Variants in EFEMP1 observed in about 807,000 individuals in gnomAD.
EFEMP1 encodes the protein EGF-like fibulin extracellular matrix protein 1, also known as EGF-containing fibulin-like extracellular matrix protein 1.
In EFEMP1, 18 loss-of-function variants were observed where a neutral mutation model predicts 65.7. The observed-to-expected ratio is 0.27, with a 90% CI of 0.19 to 0.41. The LOEUF (loss-of-function observed/expected upper bound fraction) is 0.41, where lower values mean the gene tolerates loss of function less well. Ranked by LOEUF, EFEMP1 falls within the 10% of genes least tolerant of loss-of-function variation. The pLI, the probability that EFEMP1 is intolerant of heterozygous loss-of-function variation, is 1.00. For missense variants in EFEMP1, 469 were observed against 624.8 expected (o/e 0.75, Z 2.66); for synonymous variants, 237 against 219.7 (o/e 1.08, Z -0.70).
In EFEMP1 at chr2:55,922,285, C is replaced by T; in HGVS notation, c.81+75G>A. On this transcript the variant is annotated intron_variant, in intron 3 of 11. Transcript: ENST00000355426. This position sits in a 1 kb window ranked among gnomAD's most constrained non-coding sequence, Gnocchi z 5.5. ...GCAGAGTATAGCCCAAATACACTGG[C>T]AGGGGTGTGTAAAGTCTTTTTTTGT... The T allele has an allele frequency of 7.5e-7, 1 of 1,339,926 alleles. No individual in the cohort carries two copies. The highest frequency in any genetic ancestry group is 1.1e-6 in the Non-Finnish European group (1 of 932,224). The allele number at this position is 1,339,926 out of a possible 1,614,324, so 83.0% of individuals were successfully genotyped here.
rs753354829 is a variant in EFEMP1, at chr2:55,874,933, A to T, written c.1000+13T>A. On this transcript the variant is annotated intron_variant, in intron 9 of 11. Coordinates refer to ENST00000355426, the MANE Select transcript of EFEMP1 (RefSeq NM_001039348.3). ...ACTAAATACCTAACATATGAAAAAA[A>T]AAATAAACTTACCTTGACATGTTCT... 2.5e-6 allele frequency: 4 copies of T among 1,597,448 alleles called. No homozygotes were observed. Among genetic ancestry groups the T allele is most frequent in the Non-Finnish European group, 3.4e-6 (4 of 1,169,616 alleles).
rs922560376 is a variant in EFEMP1 at position 55,921,281 on chromosome 2, G to T, written c.81+1079C>A. Among the ~76,000 whole-genome samples, 2 of 152,158 alleles carry T rather than the reference G, an allele frequency of 1.3e-5. No individual in the cohort carries two copies. The highest frequency in any genetic ancestry group is 2.9e-5 in the Non-Finnish European group (2 of 68,036). On this transcript the variant is annotated intron_variant, in intron 3 of 11. Coordinates refer to ENST00000355426, the MANE Select transcript of EFEMP1 (RefSeq NM_001039348.3). This position sits in a 1 kb window ranked among gnomAD's most constrained non-coding sequence, Gnocchi z 4.1. ...TTAACATGAAGTTAACAAAATATTT[G>T]TATTAAGCTATTTTATTTATAGTGG...
intron 5 of EFEMP1, among the ~76,000 whole-genome samples, chr2:55,899,964 A>G (rs1010889014): frequency 4.0e-5 from 6 of 151,576 alleles, no homozygotes; most frequent in African/African-American, 1.5e-4. Flanking sequence ...TTTCAGTTTA[A>G]TTTTTTTTTC....
At chr2:55,889,096 A>G (rs901565961) in intron 5 of EFEMP1, among the ~76,000 whole-genome samples, 1 of 152,194 alleles carries the variant, frequency 6.6e-6, no homozygotes, top group East Asian at 1.9e-4. Context: ...TTGCAGCCAG[A>G]TTAGTCAAGT....
intron 5 of EFEMP1, among the ~76,000 whole-genome samples, chr2:55,902,882 A>G (rs535793388): frequency 1.3e-5 from 2 of 152,372 alleles, no homozygotes; most frequent in South Asian, 4.1e-4. Flanking sequence ...CCAGGCATAT[A>G]TCAATCAAGA....
Position 55,922,179 on chromosome 2 carries a change from T to C in EFEMP1, c.81+181A>G. 1.6e-6 allele frequency: 1 copy of C among 626,230 alleles called. No individual in the cohort carries two copies. The highest frequency in any genetic ancestry group is 2.9e-6 in the Non-Finnish European group (1 of 346,154). 38.8% of individuals were successfully genotyped at this position (626,230 alleles called of 1,614,324 possible). ...TCTTAGGTGGTGAGCCCAATGAACT[T>C]TTGAAAGGATCAAGGGGGCAATTTA... is the stretch of plus-strand genomic sequence containing the variant. On this transcript the variant is annotated intron_variant, in intron 3 of 11. Transcript: ENST00000355426. This position sits in a 1 kb window ranked among gnomAD's most constrained non-coding sequence, Gnocchi z 5.5.
In EFEMP1 at chr2:55,870,692, T is replaced by C. The variant is rs200624494; in HGVS notation, c.1320+28A>G. On this transcript the variant is annotated intron_variant, in intron 11 of 11. Coordinates refer to ENST00000355426, the MANE Select transcript of EFEMP1 (RefSeq NM_001039348.3). This position sits in a 1 kb window ranked among gnomAD's most constrained non-coding sequence, Gnocchi z 5.8. ...AACAACAAACTCCCATCTTTCTCAA[T>C]AGTTAAGGCTGCCTTCAGGATACTT... 3.1e-6 allele frequency: 5 copies of C among 1,611,886 alleles called. No homozygotes were observed. Among genetic ancestry groups the C allele is most frequent in the South Asian group, 2.2e-5 (2 of 90,882 alleles).
intron 5 of EFEMP1, among the ~76,000 whole-genome samples, chr2:55,899,444 G>A (rs1328972645): frequency 2.6e-5 from 4 of 152,168 alleles, no homozygotes; most frequent in Non-Finnish European, 5.9e-5. Flanking sequence ...TGCATGGATG[G>A]TGCAGACTTA....
intron 5 of EFEMP1, among the ~76,000 whole-genome samples, chr2:55,910,605 TG>T (rs1670446241): frequency 6.6e-6 from 1 of 152,192 alleles, no homozygotes; most frequent in Admixed American, 6.6e-5. Flanking sequence ...TGCACTTTCC[TG>T]AAGTTACCCG....
intron 5 of EFEMP1, among the ~76,000 whole-genome samples, chr2:55,907,974 T>C (rs1275747681): frequency 2.6e-5 from 4 of 152,232 alleles, no homozygotes; most frequent in African/African-American, 7.2e-5. Context: ...GTCACTCTTA[T>C]TTCACCTACA....
rs55817415 is a variant in EFEMP1 at position 55,873,066 on chromosome 2, C to CACACACACA, written c.1000+1879_1000+1880insTGTGTGTGT. ...TTCTTTTGTCTCTCTGTCTCTCTCT[C>CACACACACA]CACACACACACACACACACACACAC... On this transcript the variant is annotated intron_variant, in intron 9 of 11. Coordinates refer to ENST00000355426, the MANE Select transcript of EFEMP1 (RefSeq NM_001039348.3). This position sits in a 1 kb window ranked among gnomAD's most constrained non-coding sequence, Gnocchi z 4.6. Among the ~76,000 whole-genome samples the CACACACACA allele has an allele frequency of 2.3e-4, 34 of 145,296 alleles. No individual in the cohort carries two copies. Among genetic ancestry groups the CACACACACA allele is most frequent in the Admixed American group, 2.2e-3 (32 of 14,452 alleles).
In EFEMP1 at chr2:55,866,771, C is replaced by T; in HGVS notation, c.*302G>A. 5.9e-6 allele frequency: 2 copies of T among 337,436 alleles called. No individual in the cohort carries two copies. Among genetic ancestry groups the T allele is most frequent in the Non-Finnish European group, 1.1e-5 (2 of 179,292 alleles). The allele number at this position is 337,436 out of a possible 1,614,324, so 20.9% of individuals were successfully genotyped here. A position where few individuals can be genotyped will look rare whatever the true frequency, so the allele number is the denominator to read the frequency against. ...TTCCTTAAGCACCACAGAAGATCATCATTGCTTGGTCCCACTTTTATAGGA... is the reference window on the plus strand; with the variant it reads ...TTCCTTAAGCACCACAGAAGATCATTATTGCTTGGTCCCACTTTTATAGGA... On this transcript the variant is annotated 3_prime_UTR_variant, in exon 12 of 12. Coordinates refer to ENST00000355426, the MANE Select transcript of EFEMP1 (RefSeq NM_001039348.3).
At chr2:55,907,871 T>C (rs1378499421) in intron 5 of EFEMP1, among the ~76,000 whole-genome samples, 1 of 152,228 alleles carries the variant, frequency 6.6e-6, no homozygotes, top group Non-Finnish European at 1.5e-5. Flanking sequence ...TTTAACTACA[T>C]GCAGTTCCAG....
At chr2:55,895,833 G>A (rs949636561) in intron 5 of EFEMP1, among the ~76,000 whole-genome samples, 2 of 152,098 alleles carry the variant, frequency 1.3e-5, no homozygotes, top group East Asian at 1.9e-4. Flanking sequence ...GAACCACCGC[G>A]CCCGGCCAAA....
At chr2:55,879,203 GT>G (rs1277442561) in intron 6 of EFEMP1, among the ~76,000 whole-genome samples, 2 of 152,160 alleles carry the variant, frequency 1.3e-5, no homozygotes, top group Admixed American at 1.3e-4. Flanking sequence ...GAGGTAGAGG[GT>G]TTTTTGTCTG....
Position 55,874,977 on chromosome 2 carries a change from T to C in EFEMP1, c.969A>G (p.Gly323=), listed in dbSNP as rs1668969275. 3.7e-6 allele frequency: 6 copies of C among 1,608,670 alleles called. No individual in the cohort carries two copies. Among genetic ancestry groups the C allele is most frequent in the Non-Finnish European group, 5.1e-6 (6 of 1,176,772 alleles). ...PGKFSCMCPQ[G]YQVVRSRTCQ... ...ATGTTCTACTTCTCACCACTTGGTA[T>C]CCCTGGGGGCACATACATGAGAATT... Residue 323 remains glycine (G), a synonymous_variant, in exon 9 of 12, where the codon GGA becomes GGG. Transcript: ENST00000355426.
rs115662062 is a variant in EFEMP1 at position 55,917,573 on chromosome 2, C to T, written c.517+92G>A. 816 of 1,517,866 alleles carry T rather than the reference C, an allele frequency of 5.4e-4. 4 individuals are homozygous for T. In the African/African-American group the frequency reaches 0.01, roughly 19 times the overall value. 94.0% of individuals were successfully genotyped at this position (1,517,866 alleles called of 1,614,324 possible). On this transcript the variant is annotated intron_variant, in intron 5 of 11. Transcript: ENST00000355426. The surrounding 1 kb of genome is among the most constrained non-coding windows in gnomAD (Gnocchi z 6.3). ...AAAGCACTTAGCATGATGTCTGGCA[C>T]GCGAGAAGTCCTTAATAAATTATCA... is the stretch of plus-strand genomic sequence containing the variant.
At chr2:55,875,365 C>CACACACACAT (rs1457478860) in intron 8 of EFEMP1, among the ~76,000 whole-genome samples, 18 of 137,184 alleles carry the variant, frequency 1.3e-4, no homozygotes, top group South Asian at 9.1e-4. Flanking sequence ...CACACACACA[C>CACACACACAT]ATATATATTT....
intron 5 of EFEMP1, among the ~76,000 whole-genome samples, chr2:55,911,344 C>A (rs1334274335): frequency 6.6e-6 from 1 of 151,994 alleles, no homozygotes; most frequent in African/African-American, 2.4e-5. Context: ...TCCCATATCC[C>A]ATGTGAAGTA....
Sources: gnomAD v4.1 joint callset for allele counts (sites outside exome capture counted in the v4.1 genomes callset) on GRCh38, gnomAD v4.1.1 for gene constraint, Gnocchi (gnomAD v3.1) non-coding constraint, MANE v1.5 for transcripts, NCBI Gene and HGNC (gene_info 2026-07-23, HGNC 2026-07-21) for gene names.